The following PATJ variants were observed in gnomAD, a reference collection of about 807,000 sequenced individuals.
The protein encoded by PATJ is inaD-like protein.
Under a neutral mutation model 224.9 loss-of-function variants are expected in PATJ, and 190 were observed. The ratio of observed to expected loss-of-function variants is 0.84; its 90% confidence interval spans 0.75 to 0.95. PATJ has a LOEUF of 0.95. PATJ is among the 40% of genes least tolerant of loss of function. The pLI, the probability that PATJ is intolerant of heterozygous loss-of-function variation, is 0.00. For synonymous variants in PATJ, 769 were observed against 820.3 expected (o/e 0.94, Z 1.07); for missense variants, 2,121 against 2,270.3 (o/e 0.93, Z 1.34).
chr1:61,825,150 T>C (rs141730269), intron 15 of PATJ, among the ~76,000 whole-genome samples: 3 of 152,270 alleles, frequency 2.0e-5, no homozygotes, highest in African/African-American at 7.2e-5. Flanking sequence ...TGAAATACCA[T>C]CCATGTAAAT....
In PATJ at chr1:62,130,473, C is replaced by T. The variant is rs186977256; in HGVS notation, c.5271+1528C>T. ...TGAGCCCAGGAGTTTTGAGACCAGC[C>T]TGGGCAACATGGTATGATACCCCAT... On this transcript the variant is annotated intron_variant, in intron 41 of 43. Coordinates refer to ENST00000642238, the MANE Select transcript of PATJ (RefSeq NM_001350145.3). Among the ~76,000 whole-genome samples, 285 of 151,820 alleles carry T rather than the reference C, an allele frequency of 1.9e-3. 2 individuals are homozygous for T. Among genetic ancestry groups the T allele is most frequent in the African/African-American group, 6.4e-3 (265 of 41,394 alleles).
chr1:61,994,509 C>G (rs1368514602), intron 28 of PATJ, among the ~76,000 whole-genome samples: 1 of 151,870 alleles, frequency 6.6e-6, no homozygotes, highest in Non-Finnish European at 1.5e-5. Flanking sequence ...TGGCTCTATG[C>G]AACATCCTGA....
chr1:62,103,222 G>A (rs1343539909), intron 33 of PATJ, among the ~76,000 whole-genome samples: 2 of 152,140 alleles, frequency 1.3e-5, no homozygotes, highest in African/African-American at 4.8e-5. Flanking sequence ...CTATCGTGGT[G>A]GGAGTACAGG....
Position 61,801,648 on chromosome 1 carries a change from AC to A in PATJ, c.1430del (p.Pro477GlnfsTer5). 1 of 1,592,994 alleles carries A rather than the reference AC, an allele frequency of 6.3e-7. No individual in the cohort carries two copies. Among genetic ancestry groups the A allele is most frequent in the Admixed American group, 1.7e-5 (1 of 57,668 alleles). The stretch of plus-strand genomic sequence containing the variant: ...GAACTGTTGTAGAACCACTGAAACC[AC>A]CAGCTCTCTTTCTAACTGGAGCAGT... ...RGTVVEPLKP[P>X]ALFLTGAVET... On this transcript the variant is annotated frameshift_variant, in exon 12 of 44. Coordinates refer to ENST00000642238, the MANE Select transcript of PATJ (RefSeq NM_001350145.3). LOFTEE classifies it high-confidence loss of function.
At position 62,158,222 on chromosome 1, in the gene PATJ, C is replaced by T. The variant is rs77963935; in HGVS notation, c.5503-2686C>T. Reference sequence around the variant, plus strand: ...AAGCCATGCATTTATTTCTTTTTTACCTTTTTCCCTGTAGTCTACAAATGC... The same window carrying T: ...AAGCCATGCATTTATTTCTTTTTTATCTTTTTCCCTGTAGTCTACAAATGC... On this transcript the variant is annotated intron_variant, in intron 43 of 43. Coordinates refer to ENST00000642238, the MANE Select transcript of PATJ (RefSeq NM_001350145.3). Among the ~76,000 whole-genome samples, 1,081 of 149,590 alleles carry T rather than the reference C, an allele frequency of 7.2e-3. 36 individuals carry two copies. Among genetic ancestry groups the T allele is most frequent in the African/African-American group, 0.025 (1,051 of 41,368 alleles).
At chr1:61,855,999 G>A in intron 17 of PATJ, 31 bp from the exon 18 acceptor site, 1 of 1,535,290 alleles carries the variant, frequency 6.5e-7, no homozygotes, top group African/African-American at 1.4e-5. Context: ...TCAGTGCATG[G>A]ACTCATCCTT....
chr1:61,985,150 A>T (rs555356422), intron 27 of PATJ, among the ~76,000 whole-genome samples: 2 of 152,194 alleles, frequency 1.3e-5, no homozygotes, highest in African/African-American at 4.8e-5. Flanking sequence ...CATCTCTACT[A>T]AAACTACAAA....
At chr1:61,871,891 A>G (rs1349048848) in intron 20 of PATJ, among the ~76,000 whole-genome samples, 1 of 141,914 alleles carries the variant, frequency 7.0e-6, no homozygotes, top group Non-Finnish European at 1.5e-5. Context: ...TTTTTAGTAG[A>G]GACGGGGTTT....
Position 61,980,128 on chromosome 1 carries a change from C to A in PATJ, c.3671-10040C>A, listed in dbSNP as rs371774498. 4.5e-4 allele frequency among the ~76,000 whole-genome samples: 69 copies of A among 151,900 alleles called. 1 individual carries two copies. In the South Asian group the frequency reaches 7.3e-3, roughly 16 times the overall value. Reference sequence around the variant, plus strand: ...GGGTGTACTGAATCCCATCAAAAGTCATTGAAAACAGCTGAGCATAGAGGC... The same window carrying A: ...GGGTGTACTGAATCCCATCAAAAGTAATTGAAAACAGCTGAGCATAGAGGC... On this transcript the variant is annotated intron_variant, in intron 27 of 43. Coordinates refer to ENST00000642238, the MANE Select transcript of PATJ (RefSeq NM_001350145.3).
chr1:62,069,484 G>T (rs1657036440), intron 31 of PATJ, among the ~76,000 whole-genome samples: 1 of 152,144 alleles, frequency 6.6e-6, no homozygotes, highest in African/African-American at 2.4e-5. Flanking sequence ...GATTTTAGCT[G>T]TCATAATTTT....
chr1:62,061,259 A>G (rs1359294423), intron 31 of PATJ, among the ~76,000 whole-genome samples: 2 of 151,246 alleles, frequency 1.3e-5, no homozygotes, highest in Admixed American at 1.3e-4. Context: ...TTGGCTCACT[A>G]CAATCTCTAC....
intron 14 of PATJ, among the ~76,000 whole-genome samples, chr1:61,817,417 A>T (rs1470364597): frequency 6.6e-6 from 1 of 152,158 alleles, no homozygotes; most frequent in African/African-American, 2.4e-5. Flanking sequence ...TAATCCTAGC[A>T]CTTTGGGAGG....
At chr1:61,874,809 A>T (rs1667135699) in intron 20 of PATJ, among the ~76,000 whole-genome samples, 1 of 152,222 alleles carries the variant, frequency 6.6e-6, no homozygotes, top group African/African-American at 2.4e-5. Context: ...GGCAGATAAG[A>T]GTGCTAACAA....
intron 30 of PATJ, among the ~76,000 whole-genome samples, chr1:62,040,321 C>T (rs1651238056): frequency 6.6e-6 from 1 of 151,932 alleles, no homozygotes; most frequent in African/African-American, 2.4e-5. Flanking sequence ...GTTGGCCAGG[C>T]TGGTCTCGAA....
intron 28 of PATJ, among the ~76,000 whole-genome samples, chr1:62,003,873 A>G (rs1556485): frequency 0.15 from 22,275 of 152,038 alleles, 2,030 homozygotes; most frequent in Non-Finnish European, 0.21. Context: ...AACTACCTCT[A>G]TTATCTCTGT....
intron 4 of PATJ, among the ~76,000 whole-genome samples, chr1:61,768,907 A>AT (rs1306081517): frequency 6.6e-6 from 1 of 152,074 alleles, no homozygotes; most frequent in Non-Finnish European, 1.5e-5. Flanking sequence ...CTCCAAGAAA[A>AT]AAAATAAAAT....
chr1:62,094,557 CAACACACACA>C (rs987074682), intron 33 of PATJ, among the ~76,000 whole-genome samples: 2 of 120,910 alleles, frequency 1.7e-5, no homozygotes, highest in African/African-American at 6.8e-5. Context: ...GATTCTGTCT[CAACACACACA>C]CACACACACA....
At chr1:62,036,670 C>G (rs1328755879) in intron 29 of PATJ, among the ~76,000 whole-genome samples, 1 of 151,590 alleles carries the variant, frequency 6.6e-6, no homozygotes, top group Admixed American at 6.6e-5. Context: ...TCATTGAACT[C>G]ACATTGGAGG....
intron 27 of PATJ, among the ~76,000 whole-genome samples, chr1:61,975,816 A>G (rs942103914): frequency 7.2e-5 from 11 of 152,056 alleles, no homozygotes; most frequent in Non-Finnish European, 1.2e-4. Flanking sequence ...TGTGGATACC[A>G]TACATCAGCC....
Sources: allele counts gnomAD v4.1 joint callset (sites outside exome capture counted in the v4.1 genomes callset), GRCh38; gene constraint gnomAD v4.1.1; transcripts MANE v1.5; gene names NCBI Gene and HGNC (gene_info 2026-07-23, HGNC 2026-07-21).